SKA3: variants seen among roughly 807,000 people sequenced by gnomAD.
The protein encoded by SKA3 is spindle and kinetochore associated complex subunit 3.
A neutral mutation model predicts 44.2 loss-of-function variants in SKA3; 39 were observed. The ratio of observed to expected loss-of-function variants is 0.88; its 90% CI spans 0.68 to 1.15. The LOEUF (loss-of-function observed/expected upper bound fraction) is 1.15, where lower values mean the gene tolerates loss of function less well. Ranked by LOEUF, SKA3 falls within the 50% of genes most tolerant of loss-of-function variation. SKA3 has a pLI of 0.00. For synonymous variants in SKA3, 192 were observed against 172.0 expected, an observed-to-expected ratio of 1.12 and a Z score of -0.91; for missense variants, 511 against 485.8, an observed-to-expected ratio of 1.05 and a Z score of -0.49.
chr13:21,173,483 CTGA>C (rs1360435533), intron 1 of SKA3, among the ~76,000 whole-genome samples: 1 of 152,204 alleles, frequency 6.6e-6, no homozygotes, highest in Non-Finnish European at 1.5e-5. Flanking sequence ...TCTTGAACTC[CTGA>C]CCTCAAGTGA....
intron 3 of SKA3, among the ~76,000 whole-genome samples, chr13:21,171,592 T>C (rs1871054712): frequency 6.6e-6 from 1 of 150,740 alleles, no homozygotes; most frequent in Admixed American, 6.6e-5. Context: ...ATGAAGACAC[T>C]GAAGTTAGTC....
In SKA3 at chr13:21,167,988, C is replaced by T. The variant is rs758040221; in HGVS notation, c.743G>A (p.Ser248Asn). 2 of 1,566,662 alleles carry T rather than the reference C, an allele frequency of 1.3e-6. No homozygotes were observed. The highest frequency in any genetic ancestry group is 1.4e-5 in the African/African-American group (1 of 72,820). Residue 248 changes from serine (S) to asparagine (N), a missense_variant and splice_region_variant, in exon 4 of 9, where the codon AGT becomes AAT. Ser to Asn is a conservative substitution (Grantham distance 46). Coordinates refer to ENST00000314759, the MANE Select transcript of SKA3 (RefSeq NM_145061.6). ...TATGCCTTTTAACAGAGCTGCTTACCTTTTATTATTCCTCGCATTTTTAAG... is the reference window on the plus strand; with the variant it reads ...TATGCCTTTTAACAGAGCTGCTTACTTTTTATTATTCCTCGCATTTTTAAG... Reference protein sequence around the residue: ...MGLKNARNNKSEEAIDTESRL... With the variant: ...MGLKNARNNKNEEAIDTESRL...
chr13:21,154,962 A>G lies in SKA3; in HGVS notation c.*188T>C. On this transcript the variant is annotated 3_prime_UTR_variant, in exon 9 of 9. Coordinates refer to ENST00000314759, the MANE Select transcript of SKA3 (RefSeq NM_145061.6). The stretch of plus-strand genomic sequence containing the variant: ...TGAATGACTGGGCTACATGTCAACA[A>G]GACTAAGGTTAAACCTTATTGAAAC... 1.1e-6 allele frequency: 1 copy of G among 932,552 alleles called. No homozygotes were observed. The highest frequency in any genetic ancestry group is 1.6e-6 in the Non-Finnish European group (1 of 615,280). 57.8% of individuals were successfully genotyped at this position (932,552 alleles called of 1,614,324 possible). A position where few individuals can be genotyped will look rare whatever the true frequency, so the allele number is the denominator to read the frequency against.
In SKA3 at chr13:21,172,407, A is replaced by G. The variant is rs145249086; in HGVS notation, c.263T>C (p.Met88Thr). Residue 88 changes from methionine to threonine, a missense_variant, in exon 3 of 9, where the codon ATG becomes ACG. Physicochemically the swap from Met to Thr is moderately conservative, Grantham distance 81 (BLOSUM62 -1). Coordinates refer to ENST00000314759, the MANE Select transcript of SKA3 (RefSeq NM_145061.6). Reference protein sequence around the residue: ...ATKVLMEKNSMDIMKIREYFQ... With the variant: ...ATKVLMEKNSTDIMKIREYFQ... ...ATACTCTCTTATTTTCATAATATCCATTGAATTTTTTTCCATTAGTACTTT... is the reference window on the plus strand; with the variant it reads ...ATACTCTCTTATTTTCATAATATCCGTTGAATTTTTTTCCATTAGTACTTT... 108 of 1,589,898 alleles carry G rather than the reference A, an allele frequency of 6.8e-5. No homozygotes were observed. Among genetic ancestry groups the G allele is most frequent in the African/African-American group, 5.6e-4 (41 of 73,108 alleles).
At position 21,176,506 on chromosome 13, in the gene SKA3, C is replaced by T; in HGVS notation, c.-29G>A. On this transcript the variant is annotated 5_prime_UTR_variant, in exon 1 of 9. Transcript: ENST00000314759. ...GAGCACAGCGGGGAAGGACTCCAGG[C>T]GTACGCAGACCCCACCGCTCAGCTC... 6.9e-7 allele frequency: 1 copy of T among 1,452,440 alleles called. No individual in the cohort carries two copies. Among genetic ancestry groups the T allele is most frequent in the Non-Finnish European group, 9.2e-7 (1 of 1,089,050 alleles). 90.0% of individuals were successfully genotyped at this position (1,452,440 alleles called of 1,614,324 possible).
At chr13:21,157,386 T>C (rs1870168690) in intron 7 of SKA3, among the ~76,000 whole-genome samples, 1 of 152,244 alleles carries the variant, frequency 6.6e-6, no homozygotes. Flanking sequence ...CTATTGCTCC[T>C]AGGCTACAAA....
At chr13:21,165,329 G>A (rs903575675) in intron 4 of SKA3, among the ~76,000 whole-genome samples, 1 of 151,914 alleles carries the variant, frequency 6.6e-6, no homozygotes, top group Non-Finnish European at 1.5e-5. Context: ...AGCTGAGGCA[G>A]GAGGACTGCT....
At chr13:21,165,786 T>C (rs896247918) in intron 4 of SKA3, among the ~76,000 whole-genome samples, 2 of 151,760 alleles carry the variant, frequency 1.3e-5, no homozygotes, top group Non-Finnish European at 2.9e-5. Flanking sequence ...AATAGAAAAA[T>C]TAGCCAGGCG....
At chr13:21,161,301 C>CT (rs1055635178) in intron 5 of SKA3, among the ~76,000 whole-genome samples, 1 of 151,952 alleles carries the variant, frequency 6.6e-6, no homozygotes, top group African/African-American at 2.4e-5. Context: ...TCATAAAACT[C>CT]TAGGATTTTT....
chr13:21,157,509 T>C (rs556502228), intron 7 of SKA3, among the ~76,000 whole-genome samples: 1 of 152,338 alleles, frequency 6.6e-6, no homozygotes, highest in African/African-American at 2.4e-5. Flanking sequence ...CATAATCTTA[T>C]GACTGCTGTG....
At chr13:21,176,206 A>T (rs1343754670) in intron 1 of SKA3, 169 bp downstream of exon 1, 2 of 571,378 alleles carry the variant, frequency 3.5e-6, no homozygotes, top group Non-Finnish European at 6.0e-6. Context: ...GAGCTACGCT[A>T]ACGCCAAACG....
chr13:21,156,068 T>C (rs1287795373), intron 7 of SKA3, among the ~76,000 whole-genome samples: 3 of 151,136 alleles, frequency 2.0e-5, no homozygotes, highest in Non-Finnish European at 2.9e-5. Flanking sequence ...ACACCTGTAA[T>C]CCCAGCTACT....
At chr13:21,165,473 T>C (rs1360362852) in intron 4 of SKA3, among the ~76,000 whole-genome samples, 1 of 152,128 alleles carries the variant, frequency 6.6e-6, no homozygotes, top group South Asian at 2.1e-4. Context: ...ATAGTTGCCC[T>C]GTGTAACTAT....
At chr13:21,174,163 T>C (rs1354134646) in intron 1 of SKA3, among the ~76,000 whole-genome samples, 2 of 152,220 alleles carry the variant, frequency 1.3e-5, no homozygotes, top group Non-Finnish European at 1.5e-5. Flanking sequence ...AGTTCAACCA[T>C]TGTGGAAGAC....
intron 4 of SKA3, 58 bp downstream of exon 4, chr13:21,167,930 A>G (rs1870806180): frequency 8.5e-7 from 1 of 1,179,944 alleles, no homozygotes; most frequent in Non-Finnish European, 1.1e-6. Flanking sequence ...AAAAAAATCA[A>G]TAAATACAAA....
chr13:21,161,569 T>G (rs564416592), intron 5 of SKA3, among the ~76,000 whole-genome samples: 1 of 152,334 alleles, frequency 6.6e-6, no homozygotes, highest in Admixed American at 6.5e-5. Flanking sequence ...AATAACAAGC[T>G]GACAGATATT....
At chr13:21,161,231 C>T (rs1870420833) in intron 5 of SKA3, among the ~76,000 whole-genome samples, 1 of 152,162 alleles carries the variant, frequency 6.6e-6, no homozygotes, top group Non-Finnish European at 1.5e-5. Context: ...GATCGTGCCA[C>T]TACACTCCAG....
At chr13:21,167,767 GAAAAAAAAAAAC>G (rs1315284873) in intron 4 of SKA3, among the ~76,000 whole-genome samples, 2 of 75,886 alleles carry the variant, frequency 2.6e-5, no homozygotes, top group African/African-American at 1.0e-4. Flanking sequence ...CCTCCGTCTC[GAAAAAAAAAAAC>G]AAAAAAAAAA....
At chr13:21,167,002 A>T (rs1870747345) in intron 4 of SKA3, among the ~76,000 whole-genome samples, 1 of 152,234 alleles carries the variant, frequency 6.6e-6, no homozygotes, top group South Asian at 2.1e-4. Flanking sequence ...CTACTTTGAT[A>T]AGTGGTATTT....
Sources: allele counts gnomAD v4.1 joint callset (sites outside exome capture counted in the v4.1 genomes callset), GRCh38; gene constraint gnomAD v4.1.1; transcripts MANE v1.5; gene names NCBI Gene and HGNC (gene_info 2026-07-23, HGNC 2026-07-21).